Variants in INSL6 observed in about 807,000 individuals in gnomAD.
INSL6 encodes the protein insulin like 6, also known as insulin-like peptide INSL6.
In INSL6, 16 loss-of-function variants were observed where a neutral mutation model predicts 9.4. The observed-to-expected ratio is 1.70, with a 90% CI of 1.15 to 2.59. The LOEUF (loss-of-function observed/expected upper bound fraction) is 2.59, where lower values mean the gene tolerates loss of function less well. Ranked by LOEUF, INSL6 falls within the 30% of genes most tolerant of loss-of-function variation. INSL6 has a pLI of 0.00. For missense variants in INSL6, 391 were observed against 257.3 expected, an observed-to-expected ratio of 1.52 and a Z score of -3.56; for synonymous variants, 154 against 96.9, an observed-to-expected ratio of 1.59 and a Z score of -3.46.
chr9:5,155,527 AAT>A (rs1425245421), intron 2 of INSL6, among the ~76,000 whole-genome samples: 22 of 147,870 alleles, frequency 1.5e-4, no homozygotes, highest in African/African-American at 4.8e-4. Flanking sequence ...AGAACTACTA[AAT>A]AAAAAAAAAA....
chr9:5,146,210 T>A (rs1447222625), intron 2 of INSL6, among the ~76,000 whole-genome samples: 1 of 152,190 alleles, frequency 6.6e-6, no homozygotes, highest in East Asian at 1.9e-4. Context: ...TTGAAGATTT[T>A]AGGGGGCCAG....
chr9:5,138,217 C>T (rs192156573), intron 2 of INSL6, among the ~76,000 whole-genome samples: 1 of 152,286 alleles, frequency 6.6e-6, no homozygotes, highest in Admixed American at 6.5e-5. Context: ...TTTGACCCTG[C>T]AATTCCGTTA....
At chr9:5,035,349 T>C in the INSL6 span, among the ~76,000 whole-genome samples, 157 of 152,280 alleles carry the variant, frequency 1.0e-3, no homozygotes, top group African/African-American at 3.6e-3. Flanking sequence ...TTCCAATCAA[T>C]AGAATAAGAG....
chr9:5,096,130 A>T, the INSL6 span, among the ~76,000 whole-genome samples: 2 of 152,164 alleles, frequency 1.3e-5, no homozygotes, highest in African/African-American at 4.8e-5. Flanking sequence ...CATCTCAATG[A>T]CAATATTCCC....
chr9:5,032,967 G>C, the INSL6 span, among the ~76,000 whole-genome samples: 1 of 152,122 alleles, frequency 6.6e-6, no homozygotes, highest in African/African-American at 2.4e-5. Context: ...GAGGAAGTTT[G>C]AACTCATGGC....
At chr9:5,050,609 G>T in the INSL6 span, 3 of 1,408,738 alleles carry the variant, frequency 2.1e-6, no homozygotes, top group Non-Finnish European at 3.0e-6. Flanking sequence ...TGAAAATTAT[G>T]ATTAAAATAT....
intron 1 of INSL6, among the ~76,000 whole-genome samples, chr9:5,167,482 ACAGCGGCTG>A (rs1315334727): frequency 1.3e-5 from 2 of 152,220 alleles, no homozygotes; most frequent in South Asian, 2.1e-4. Flanking sequence ...ACAGCACAGC[ACAGCGGCTG>A]GGACAGTTTG....
At chr9:5,114,628 C>G in the INSL6 span, 1,911 of 482,864 alleles carry the variant, frequency 4.0e-3, 27 homozygotes, top group African/African-American at 0.034. Context: ...CTCCCGGACA[C>G]TTGGCACAGC....
At chr9:5,007,328 A>G in the INSL6 span, among the ~76,000 whole-genome samples, 3 of 152,132 alleles carry the variant, frequency 2.0e-5, no homozygotes, top group African/African-American at 4.8e-5. Context: ...TATTCTTTGT[A>G]CCATGGGTTC....
intron 3 of INSL6, chr9:5,128,112 GTGTGTGTGT>G (rs1284540198): frequency 4.3e-6 from 1 of 231,272 alleles, no homozygotes; most frequent in East Asian, 6.0e-5. Flanking sequence ...GTGTGTGTGT[GTGTGTGTGT>G]TATTTATACA....
chr9:5,123,106 T>A (rs1823738719), downstream of INSL6: 7 of 1,599,572 alleles, frequency 4.4e-6, no homozygotes, highest in Non-Finnish European at 6.0e-6. Flanking sequence ...TTGAGAAGAG[T>A]AAAAGTCCAC....
the INSL6 span, among the ~76,000 whole-genome samples, chr9:5,009,608 G>T: frequency 6.6e-6 from 1 of 151,728 alleles, no homozygotes; most frequent in Admixed American, 6.6e-5. Flanking sequence ...TTGTTTTCTG[G>T]TCCATTTTGG....
the INSL6 span, among the ~76,000 whole-genome samples, chr9:5,057,021 G>A: frequency 2.0e-5 from 3 of 152,190 alleles, no homozygotes; most frequent in East Asian, 3.9e-4. Context: ...CATTTTGTTG[G>A]AATTGTGCAA....
intron 1 of INSL6, among the ~76,000 whole-genome samples, chr9:5,176,446 A>C (rs535040493): frequency 9.8e-5 from 15 of 152,350 alleles, no homozygotes; most frequent in African/African-American, 3.6e-4. Context: ...GTCCACTGAC[A>C]TATTCCCAAG....
chr9:5,111,005 A>T, the INSL6 span: 1 of 720,340 alleles, frequency 1.4e-6, no homozygotes. Flanking sequence ...CCCGTTGCCA[A>T]CGGGAAGGGC....
chr9:5,085,008 G>C, the INSL6 span: 3 of 845,326 alleles, frequency 3.5e-6, no homozygotes, highest in Middle Eastern at 2.4e-4. Flanking sequence ...TTTATGTCTT[G>C]TGAGTACAAT....
chr9:5,120,906 G>A (rs1389148166), downstream of INSL6, among the ~76,000 whole-genome samples: 7 of 152,110 alleles, frequency 4.6e-5, no homozygotes, highest in Non-Finnish European at 7.4e-5. Flanking sequence ...GAAAGAGGAT[G>A]GAATTCTGTT....
At chr9:5,078,794 T>C in the INSL6 span, among the ~76,000 whole-genome samples, 1 of 152,184 alleles carries the variant, frequency 6.6e-6, no homozygotes, top group Non-Finnish European at 1.5e-5. Flanking sequence ...AATAAAAATT[T>C]AGCCTGAGAT....
chr9:5,158,419 G>A (rs986413426), intron 2 of INSL6, among the ~76,000 whole-genome samples: 1 of 152,138 alleles, frequency 6.6e-6, no homozygotes, highest in Non-Finnish European at 1.5e-5. Context: ...CTGCCTCATG[G>A]TAATTAATAA....
Sources: gnomAD v4.1 joint callset for allele counts (sites outside exome capture counted in the v4.1 genomes callset) on GRCh38, gnomAD v4.1.1 for gene constraint, MANE v1.5 for transcripts, NCBI Gene and HGNC (gene_info 2026-07-23, HGNC 2026-07-21) for gene names.